Variants in RASGEF1B observed in about 807,000 individuals in gnomAD.
RASGEF1B encodes the protein RasGEF domain family member 1B.
RASGEF1B carries 30 observed loss-of-function variants against 65.7 expected under a neutral mutation model. That is an observed-to-expected ratio of 0.46 (90% CI 0.34 to 0.62). RASGEF1B has a LOEUF of 0.62. Ranked by LOEUF, RASGEF1B falls within the 20% of genes least tolerant of loss-of-function variation. RASGEF1B has a pLI of 0.01. For missense variants in RASGEF1B, 495 were observed against 580.1 expected (o/e 0.85, Z 1.51); for synonymous variants, 175 against 194.8 (o/e 0.90, Z 0.85).
intron 8 of RASGEF1B, among the ~76,000 whole-genome samples, chr4:81,445,101 C>G (rs142406911): frequency 6.6e-6 from 1 of 152,288 alleles, no homozygotes; most frequent in East Asian, 1.9e-4. Context: ...GTAATAAGGT[C>G]TGTGGGTGAT....
intron 1 of RASGEF1B, among the ~76,000 whole-genome samples, chr4:81,464,527 C>A (rs1265228068): frequency 6.6e-6 from 1 of 152,184 alleles, no homozygotes; most frequent in Admixed American, 6.5e-5. Context: ...TAAGCCAGTT[C>A]TTTACAACTC....
At chr4:81,451,725 G>A (rs1310392649) in intron 4 of RASGEF1B, 1 of 152,130 alleles carries the variant, frequency 6.6e-6, no homozygotes, top group African/African-American at 2.4e-5. Flanking sequence ...ACAGGCATGA[G>A]ACATGCACAA....
rs1266961343 is a variant in RASGEF1B, at chr4:81,434,649, A to G, written c.1190T>C (p.Val397Ala). 2 of 1,588,910 alleles carry G rather than the reference A, an allele frequency of 1.3e-6. No individual in the cohort carries two copies. The highest frequency in any genetic ancestry group is 1.1e-5 in the South Asian group (1 of 90,546). ...CTTTATCACACTCACCTCAAAATTG[A>G]CATGGCCATTGGGAAGGCGGTTGGC... ...GCANRLPNGH[V>A]NFEKFWELAK... is the part of the protein sequence containing the mutation. Residue 397 changes from valine (V) to alanine (A), a missense_variant, in exon 11 of 14, where the codon GTC becomes GCC. Val to Ala is a moderately conservative substitution (Grantham distance 64, BLOSUM62 0). Coordinates refer to ENST00000264400, the MANE Select transcript of RASGEF1B (RefSeq NM_152545.3).
In RASGEF1B at chr4:81,433,571, T is replaced by G. The variant is rs1198294460; in HGVS notation, c.1324+269A>C. Among the ~76,000 whole-genome samples the G allele has an allele frequency of 2.0e-5, 3 of 152,014 alleles. No individual in the cohort carries two copies. The South Asian group carries it at 6.2e-4, about 32-fold the overall frequency. On this transcript the variant is annotated intron_variant, in intron 12 of 13. Transcript: ENST00000264400. ...GTAAGCTCAAGCAAGAAAAAAAAAA[T>G]TCTTCAATAACCCCATTTGTGCCCA... is the stretch of plus-strand genomic sequence containing the variant.
chr4:81,455,082 A>T (rs1277520842), intron 4 of RASGEF1B: 1 of 152,306 alleles, frequency 6.6e-6, no homozygotes, highest in African/African-American at 2.4e-5. Flanking sequence ...AGTTCTTCAG[A>T]TGAAGGTTTT....
chr4:81,466,133 G>A (rs1722795763), intron 1 of RASGEF1B, among the ~76,000 whole-genome samples: 5 of 152,078 alleles, frequency 3.3e-5, no homozygotes, highest in Admixed American at 3.3e-4. Context: ...TTGTTTAGTG[G>A]GGAGAGGTTT....
intron 4 of RASGEF1B, among the ~76,000 whole-genome samples, chr4:81,450,671 C>T (rs1722226536): frequency 6.6e-6 from 1 of 152,008 alleles, no homozygotes; most frequent in African/African-American, 2.4e-5. Context: ...TCCCAAGATG[C>T]TGGGATTATT....
chr4:81,459,602 T>C, intron 1 of RASGEF1B, 88 bp from the exon 2 acceptor site: 1 of 1,000,824 alleles, frequency 1.0e-6, no homozygotes, highest in Non-Finnish European at 1.4e-6. Flanking sequence ...TAAGATTTAA[T>C]AGTAACGAGA....
chr4:81,444,490 G>A (rs930079914), intron 8 of RASGEF1B, among the ~76,000 whole-genome samples: 1 of 152,170 alleles, frequency 6.6e-6, no homozygotes, highest in Non-Finnish European at 1.5e-5. Context: ...AAATTTGGTA[G>A]ACTCTCTAGC....
At chr4:81,463,581 A>C (rs999407913) in intron 1 of RASGEF1B, among the ~76,000 whole-genome samples, 8 of 152,222 alleles carry the variant, frequency 5.3e-5, no homozygotes, top group Non-Finnish European at 8.8e-5. Context: ...ACAATGTCTA[A>C]CCAGTGGCCA....
At chr4:81,444,850 T>C (rs1012324160) in intron 8 of RASGEF1B, among the ~76,000 whole-genome samples, 6 of 152,206 alleles carry the variant, frequency 3.9e-5, no homozygotes, top group African/African-American at 1.4e-4. Flanking sequence ...TCTATTCAAA[T>C]GTTTATTGAG....
intron 1 of RASGEF1B, among the ~76,000 whole-genome samples, chr4:81,461,713 T>C (rs1297019510): frequency 6.6e-6 from 1 of 152,182 alleles, no homozygotes; most frequent in African/African-American, 2.4e-5. Context: ...TGTAGCTCAG[T>C]GGGAGAATGT....
intron 10 of RASGEF1B, among the ~76,000 whole-genome samples, chr4:81,440,045 T>G (rs1034513830): frequency 5.3e-5 from 8 of 152,190 alleles, no homozygotes; most frequent in Non-Finnish European, 8.8e-5. Context: ...CCTCATTTTC[T>G]TTTATTTGTG....
intron 3 of RASGEF1B, 129 bp from the exon 4 acceptor site, chr4:81,456,917 C>T (rs939560749): frequency 1.4e-5 from 11 of 782,042 alleles, no homozygotes; most frequent in South Asian, 7.3e-5. Context: ...GAAGCTCCAG[C>T]CCCCCTCCCT....
intron 3 of RASGEF1B, 26 bp from the exon 4 acceptor site, chr4:81,456,814 C>T: frequency 6.3e-7 from 1 of 1,575,598 alleles, no homozygotes; most frequent in Non-Finnish European, 8.6e-7. Context: ...AAATCTAATT[C>T]AGTGATATTT....
chr4:81,430,440 C>T (rs980459959), intron 13 of RASGEF1B, among the ~76,000 whole-genome samples: 17 of 152,180 alleles, frequency 1.1e-4, no homozygotes, highest in Non-Finnish European at 1.3e-4. Flanking sequence ...CTAATTGAGC[C>T]GGTTAACGCA....
At chr4:81,447,998 A>G in intron 5 of RASGEF1B, 71 bp downstream of exon 5, 1 of 1,292,318 alleles carries the variant, frequency 7.7e-7, no homozygotes, top group Non-Finnish European at 1.1e-6. Flanking sequence ...TACCGCTGAC[A>G]AATATATCGT....
chr4:81,464,822 C>A (rs1388695058), intron 1 of RASGEF1B, among the ~76,000 whole-genome samples: 3 of 152,148 alleles, frequency 2.0e-5, no homozygotes, highest in Non-Finnish European at 4.4e-5. Flanking sequence ...CGGTGGCTCA[C>A]ACCTGTAATC....
rs1560697651 is a variant in RASGEF1B, at chr4:81,440,892, C to T, written c.1046G>A (p.Arg349Gln). The change falls in exon 10 of 14, where the codon CGA becomes CAA. Residue 349 changes from arginine (R) to glutamine (Q), a missense_variant. Transcript: ENST00000264400. ...MDPSSNFYNY[R>Q]TALRGAAQRS... ...TTGTGCTGCCCCACGAAGAGCTGTT[C>T]GATAATTATAGAAATTGCTTGAAGG... 1.9e-6 allele frequency: 3 copies of T among 1,612,236 alleles called. No homozygotes were observed. The highest frequency in any genetic ancestry group is 2.5e-6 in the Non-Finnish European group (3 of 1,179,068).
Sources: gnomAD v4.1 joint callset for allele counts (sites outside exome capture counted in the v4.1 genomes callset) on GRCh38, gnomAD v4.1.1 for gene constraint, MANE v1.5 for transcripts, NCBI Gene and HGNC (gene_info 2026-07-23, HGNC 2026-07-21) for gene names.